The following SMAD3 variants were observed in gnomAD, a reference collection of about 807,000 sequenced individuals.
The protein encoded by SMAD3 is MAD homolog 3.
A neutral mutation model predicts 51.8 loss-of-function variants in SMAD3; 12 were observed. The observed-to-expected ratio is 0.23, with a 90% CI of 0.15 to 0.38. The LOEUF (loss-of-function observed/expected upper bound fraction) is 0.38, where lower values mean the gene tolerates loss of function less well. SMAD3 is among the 10% of genes least tolerant of loss of function. SMAD3 has a pLI of 1.00. For synonymous variants in SMAD3, 238 were observed against 227.7 expected, an observed-to-expected ratio of 1.05 and a Z score of -0.41; for missense variants, 294 against 565.6, an observed-to-expected ratio of 0.52 and a Z score of 4.87.
At chr15:67,126,954 C>G (rs1220295168) in intron 1 of SMAD3, among the ~76,000 whole-genome samples, 2 of 152,184 alleles carry the variant, frequency 1.3e-5, no homozygotes, top group African/African-American at 4.8e-5. Context: ...ACGAGGTGGG[C>G]ACTCATTAGA....
chr15:67,082,161 G>A (rs187051605), intron 1 of SMAD3, among the ~76,000 whole-genome samples: 10 of 152,138 alleles, frequency 6.6e-5, no homozygotes, highest in Non-Finnish European at 1.3e-4. Flanking sequence ...AATTGTGTTT[G>A]GAGTATCTCC....
chr15:67,166,129 G>T, intron 3 of SMAD3: 7 of 1,007,036 alleles, frequency 7.0e-6, no homozygotes, highest in Non-Finnish European at 7.1e-6. Context: ...GGGTCAGAGT[G>T]TTAAGGAGGA....
At chr15:67,066,520 G>C (rs1959922571) in intron 1 of SMAD3, among the ~76,000 whole-genome samples, 160 bp downstream of exon 1, 1 of 152,160 alleles carries the variant, frequency 6.6e-6, no homozygotes, top group Admixed American at 6.5e-5. Context: ...CGGGCAGGAA[G>C]GGGGTGGGGG....
At chr15:67,156,968 C>T (rs1221392764) in intron 1 of SMAD3, among the ~76,000 whole-genome samples, 1 of 152,202 alleles carries the variant, frequency 6.6e-6, no homozygotes, top group Non-Finnish European at 1.5e-5. Context: ...ACATGCCACT[C>T]ATGGTAGGAG....
At chr15:67,177,027 A>C (rs925257414) in intron 5 of SMAD3, among the ~76,000 whole-genome samples, 11 of 152,218 alleles carry the variant, frequency 7.2e-5, no homozygotes, top group Non-Finnish European at 1.6e-4. Flanking sequence ...GGAGCCTTCT[A>C]TAGAACTGCT....
intron 1 of SMAD3, among the ~76,000 whole-genome samples, chr15:67,093,045 T>C (rs1960541311): frequency 6.6e-6 from 1 of 152,156 alleles, no homozygotes; most frequent in South Asian, 2.1e-4. Context: ...GTTTGGAATC[T>C]ATAGTCTAAC....
intron 1 of SMAD3, among the ~76,000 whole-genome samples, chr15:67,066,627 C>T (rs1474915004): frequency 6.6e-6 from 1 of 152,206 alleles, no homozygotes; most frequent in Non-Finnish European, 1.5e-5. Flanking sequence ...TTTCCACCTC[C>T]GGGAGGGGAG....
intron 1 of SMAD3, among the ~76,000 whole-genome samples, chr15:67,077,136 C>T (rs183763470): frequency 4.0e-5 from 6 of 151,780 alleles, no homozygotes; most frequent in Admixed American, 1.3e-4. Context: ...TCTGTGTAAC[C>T]GTTTGTTACC....
Position 67,066,260 on chromosome 15 carries a change from A to C in SMAD3, c.106A>C (p.Lys36Gln), listed in dbSNP as rs1420747523. 6.2e-7 allele frequency: 1 copy of C among 1,613,856 alleles called. No individual in the cohort carries two copies. Among genetic ancestry groups the C allele is most frequent in the Admixed American group, 1.7e-5 (1 of 60,014 alleles). The change falls in exon 1 of 9, where the codon AAG becomes CAG. Residue 36 changes from lysine to glutamine, a missense_variant. Physicochemically the swap from Lys to Gln is moderately conservative, Grantham distance 53 (BLOSUM62 1). Transcript: ENST00000327367. ...QEEKWCEKAV[K>Q]SLVKKLKKTG... ...GGAGAAATGGTGCGAGAAGGCGGTC[A>C]AGAGCCTGGTCAAGAAACTCAAGAA...
intron 1 of SMAD3, among the ~76,000 whole-genome samples, chr15:67,139,493 A>C (rs1040457698): frequency 6.6e-6 from 1 of 152,110 alleles, no homozygotes; most frequent in Admixed American, 6.5e-5. Context: ...TTTAGGGTTA[A>C]ATAGAAAACT....
intron 1 of SMAD3, among the ~76,000 whole-genome samples, chr15:67,154,836 T>C (rs1962240740): frequency 6.6e-6 from 1 of 152,212 alleles, no homozygotes; most frequent in African/African-American, 2.4e-5. Context: ...TTAAAAACAC[T>C]TGTCATCTTA....
chr15:67,180,861 T>A (rs1963031681), intron 5 of SMAD3, among the ~76,000 whole-genome samples: 1 of 152,064 alleles, frequency 6.6e-6, no homozygotes, highest in Non-Finnish European at 1.5e-5. Context: ...CTGTCCCAGG[T>A]TCATCCAGGT....
At chr15:67,182,998 AAAATAT>A (rs1178171485) in intron 6 of SMAD3, among the ~76,000 whole-genome samples, 94 of 49,050 alleles carry the variant, frequency 1.9e-3, no homozygotes, top group South Asian at 9.7e-3. Flanking sequence ...AAAAAAAAAA[AAAATAT>A]ATATATATAT....
chr15:67,118,519 A>C (rs1233087138), intron 1 of SMAD3, among the ~76,000 whole-genome samples: 1 of 152,150 alleles, frequency 6.6e-6, no homozygotes, highest in African/African-American at 2.4e-5. Context: ...TTTATACCAG[A>C]CTAGAATCGG....
At chr15:67,170,699 C>G in intron 5 of SMAD3, 95 bp downstream of exon 5, 1 of 1,061,690 alleles carries the variant, frequency 9.4e-7, no homozygotes, top group South Asian at 1.3e-5. Flanking sequence ...GTAAGGCTCT[C>G]CCCCGACCCC....
At chr15:67,099,962 A>G (rs541006901) in intron 1 of SMAD3, among the ~76,000 whole-genome samples, 33 of 152,288 alleles carry the variant, frequency 2.2e-4, no homozygotes, top group Admixed American at 1.6e-3. Flanking sequence ...TGGGTGGGTC[A>G]TTTGAGGTCA....
chr15:67,139,561 G>A (rs1452360717), intron 1 of SMAD3, among the ~76,000 whole-genome samples: 2 of 152,130 alleles, frequency 1.3e-5, no homozygotes, highest in Non-Finnish European at 2.9e-5. Context: ...GCCCTGGTGG[G>A]TCCTGGGCTG....
chr15:67,105,770 C>T (rs576437320), intron 1 of SMAD3, among the ~76,000 whole-genome samples: 1 of 152,188 alleles, frequency 6.6e-6, no homozygotes, highest in African/African-American at 2.4e-5. Context: ...CCTGAAGCAA[C>T]GCAGGGCCTG....
At chr15:67,165,719 A>G (rs1262887029) in intron 3 of SMAD3, among the ~76,000 whole-genome samples, 1 of 152,196 alleles carries the variant, frequency 6.6e-6, no homozygotes, top group Non-Finnish European at 1.5e-5. Context: ...TTCAGTCCCA[A>G]TAGACTGGGG....
Sources: gnomAD v4.1 joint callset for allele counts (sites outside exome capture counted in the v4.1 genomes callset) on GRCh38, gnomAD v4.1.1 for gene constraint, MANE v1.5 for transcripts, NCBI Gene and HGNC (gene_info 2026-07-23, HGNC 2026-07-21) for gene names.